CEP57L1: variants seen among roughly 807,000 people sequenced by gnomAD.
CEP57L1 encodes the protein centrosomal protein 57 like 1.
CEP57L1 carries 37 observed loss-of-function variants against 61.0 expected under a neutral mutation model. The ratio of observed to expected loss-of-function variants is 0.61; its 90% confidence interval spans 0.47 to 0.80. The LOEUF (loss-of-function observed/expected upper bound fraction) is 0.80, where lower values mean the gene tolerates loss of function less well. Among genes scored for constraint, CEP57L1 ranks in the 30% least tolerant of loss-of-function variants. CEP57L1 has a pLI of 0.00. For synonymous variants in CEP57L1, 137 were observed against 162.3 expected (o/e 0.84, Z 1.19); for missense variants, 422 against 524.7 (o/e 0.80, Z 1.91).
chr6:109,121,351 A>G (rs1467988959), intron 1 of CEP57L1, among the ~76,000 whole-genome samples: 1 of 152,182 alleles, frequency 6.6e-6, no homozygotes, highest in Non-Finnish European at 1.5e-5. Flanking sequence ...GCAGTGTTGT[A>G]CTACTCTTGG....
At chr6:109,097,972 G>C (rs1562487547) in intron 1 of CEP57L1, among the ~76,000 whole-genome samples, 1 of 152,366 alleles carries the variant, frequency 6.6e-6, no homozygotes, top group East Asian at 1.9e-4. Flanking sequence ...TGAGTACAAA[G>C]AGGAGAATAA....
intron 1 of CEP57L1, among the ~76,000 whole-genome samples, chr6:109,127,537 CT>C (rs1007644336): frequency 3.3e-5 from 5 of 151,578 alleles, no homozygotes; most frequent in Non-Finnish European, 5.9e-5. Context: ...CTTAACATTC[CT>C]TTTTTTTAAT....
chr6:109,105,007 G>T (rs965082710), intron 1 of CEP57L1, among the ~76,000 whole-genome samples: 2 of 152,030 alleles, frequency 1.3e-5, no homozygotes, highest in African/African-American at 4.8e-5. Context: ...AGCTATTCGT[G>T]TTTTCTTGTC....
In CEP57L1 at chr6:109,166,720, T is replaced by G. The variant is rs997393425; in HGVS notation, c.*3750T>G. On this transcript the variant is annotated 3_prime_UTR_variant, in exon 11 of 11. Transcript: ENST00000517392. ...CTTATCCATGATAAGAGATCAAAAATTAAATAAAAATTTTACTTGTAATGT... is the reference window on the plus strand; with the variant it reads ...CTTATCCATGATAAGAGATCAAAAAGTAAATAAAAATTTTACTTGTAATGT... Among the ~76,000 whole-genome samples the G allele has an allele frequency of 6.6e-6, 1 of 152,136 alleles. No individual in the cohort carries two copies. The highest frequency in any genetic ancestry group is 2.4e-5 in the African/African-American group (1 of 41,442).
Position 109,174,099 on chromosome 6 carries a change from C to CAAAAAAAAAAAAAAAAAAAAAA in CEP57L1, c.*11144_*11145insAAAAAAAAAAAAAAAAAAAAAA, listed in dbSNP as rs1298260523. Among the ~76,000 whole-genome samples, 8 of 81,924 alleles carry CAAAAAAAAAAAAAAAAAAAAAA rather than the reference C, an allele frequency of 9.8e-5. No homozygotes were observed. Among genetic ancestry groups the CAAAAAAAAAAAAAAAAAAAAAA allele is most frequent in the African/African-American group, 3.4e-4 (7 of 20,892 alleles). The allele number at this position is 81,924 out of a possible 152,430, so 53.7% of individuals were successfully genotyped here. On this transcript the variant is annotated 3_prime_UTR_variant, in exon 11 of 11. Transcript: ENST00000517392. ...TGAGCCATAGAGTGAGTCTTGGTCT[C>CAAAAAAAAAAAAAAAAAAAAAA]AAAAAAAAAAAAAAACCTTGTGTTG...
intron 1 of CEP57L1, among the ~76,000 whole-genome samples, chr6:109,119,609 G>A (rs1772711493): frequency 6.6e-6 from 1 of 152,210 alleles, no homozygotes; most frequent in African/African-American, 2.4e-5. Flanking sequence ...CTGTTAAAAT[G>A]CAGAGAAATG....
chr6:109,146,938 G>T lies in CEP57L1; in HGVS notation c.340+1G>T, dbSNP rs1306779381. ...CAGGAGCTGATAAAGCAGAAAAAAG[G>T]TAAGAAATGCAGTAGTTCTCAGAAA... is the stretch of plus-strand genomic sequence containing the variant. On this transcript the variant is annotated splice_donor_variant, in intron 3 of 10. Coordinates refer to ENST00000517392, the MANE Select transcript of CEP57L1 (RefSeq NM_001271852.3). LOFTEE classifies it high-confidence loss of function. 1.2e-6 allele frequency: 2 copies of T among 1,603,168 alleles called. No individual in the cohort carries two copies. Among genetic ancestry groups the T allele is most frequent in the Non-Finnish European group, 1.7e-6 (2 of 1,176,322 alleles).
At chr6:109,143,376 C>T (rs1771625387) in intron 1 of CEP57L1, among the ~76,000 whole-genome samples, 1 of 152,100 alleles carries the variant, frequency 6.6e-6, no homozygotes. Flanking sequence ...AAATAAGCTT[C>T]CAGTAGGCTT....
At chr6:109,136,658 G>T (rs1770738632) in intron 1 of CEP57L1, among the ~76,000 whole-genome samples, 1 of 151,284 alleles carries the variant, frequency 6.6e-6, no homozygotes, top group African/African-American at 2.4e-5. Context: ...TCACACAGCG[G>T]TGCTTCAGTT....
chr6:109,141,997 C>G (rs1771435651), intron 1 of CEP57L1, among the ~76,000 whole-genome samples: 1 of 152,158 alleles, frequency 6.6e-6, no homozygotes, highest in Admixed American at 6.5e-5. Flanking sequence ...CCCTAGCAGT[C>G]CTATGGAATA....
At chr6:109,134,748 A>G (rs1423491280) in intron 1 of CEP57L1, among the ~76,000 whole-genome samples, 1 of 152,140 alleles carries the variant, frequency 6.6e-6, no homozygotes, top group Non-Finnish European at 1.5e-5. Flanking sequence ...CAAAAATCAC[A>G]AGCATTCTTA....
At chr6:109,154,608 C>T (rs918796416) in intron 5 of CEP57L1, among the ~76,000 whole-genome samples, 26 of 151,948 alleles carry the variant, frequency 1.7e-4, no homozygotes, top group Non-Finnish European at 7.4e-5. Flanking sequence ...ACTTTTTGAA[C>T]ACTAATAATA....
Position 109,124,198 on chromosome 6 carries a change from T to C in CEP57L1, c.-3-21021T>C, listed in dbSNP as rs568981195. Among the ~76,000 whole-genome samples the C allele has an allele frequency of 7.9e-5, 12 of 152,314 alleles. No homozygotes were observed. In the South Asian group the frequency reaches 2.5e-3, roughly 32 times the overall value. Reference sequence around the variant, plus strand: ...CGTTCTTACTTCATAAAAGTCTTTATTAAAGGCAATGTGATCTTGCTACTC... The same window carrying C: ...CGTTCTTACTTCATAAAAGTCTTTACTAAAGGCAATGTGATCTTGCTACTC... On this transcript the variant is annotated intron_variant, in intron 1 of 10. Coordinates refer to ENST00000517392, the MANE Select transcript of CEP57L1 (RefSeq NM_001271852.3).
chr6:109,115,331 C>T (rs776796141), intron 1 of CEP57L1, among the ~76,000 whole-genome samples: 2 of 151,836 alleles, frequency 1.3e-5, no homozygotes, highest in Non-Finnish European at 2.9e-5. Context: ...CAGTTGTAGT[C>T]TCCACACTAC....
intron 1 of CEP57L1, among the ~76,000 whole-genome samples, chr6:109,118,641 T>C (rs1366621617): frequency 6.6e-6 from 1 of 152,236 alleles, no homozygotes; most frequent in Admixed American, 6.5e-5. Flanking sequence ...ATTGGAATTA[T>C]GACTTCTGAG....
At position 109,155,711 on chromosome 6, in the gene CEP57L1, T is replaced by C. The variant is rs542443390; in HGVS notation, c.658-80T>C. ...TCTCCAAAAAGCATTTTTATATTTA[T>C]AAACTTAGACCTGATATCTCATTAC... On this transcript the variant is annotated intron_variant, in intron 6 of 10. Coordinates refer to ENST00000517392, the MANE Select transcript of CEP57L1 (RefSeq NM_001271852.3). 26 of 721,258 alleles carry C rather than the reference T, an allele frequency of 3.6e-5. No homozygotes were observed. The African/African-American group carries it at 4.5e-4, about 13-fold the overall frequency. The allele number at this position is 721,258 out of a possible 1,614,324, so 44.7% of individuals were successfully genotyped here.
intron 1 of CEP57L1, among the ~76,000 whole-genome samples, chr6:109,121,377 T>C (rs1772954658): frequency 6.6e-6 from 1 of 152,222 alleles, no homozygotes; most frequent in Non-Finnish European, 1.5e-5. Flanking sequence ...ATAGGAAATG[T>C]ATGTTTGAAT....
In CEP57L1 at chr6:109,172,302, G is replaced by A. The variant is rs879587962; in HGVS notation, c.*9332G>A. ...AGATTTTTTCTTGAGGGTTGGTCAC[G>A]TAGGCATAGCATGACTGATAGCCCA... is the stretch of plus-strand genomic sequence containing the variant. On this transcript the variant is annotated 3_prime_UTR_variant, in exon 11 of 11. Coordinates refer to ENST00000517392, the MANE Select transcript of CEP57L1 (RefSeq NM_001271852.3). Among the ~76,000 whole-genome samples, 1 of 152,148 alleles carries A rather than the reference G, an allele frequency of 6.6e-6. No homozygotes were observed. The highest frequency in any genetic ancestry group is 1.5e-5 in the Non-Finnish European group (1 of 68,022).
At position 109,135,782 on chromosome 6, in the gene CEP57L1, G is replaced by A. The variant is rs551679308; in HGVS notation, c.-3-9437G>A. On this transcript the variant is annotated intron_variant, in intron 1 of 10. Transcript: ENST00000517392. ...TATGAACAGACAGTTCTCAAAAGGAGACATGTATGCAGCCAACAGACACAT... is the reference window on the plus strand; with the variant it reads ...TATGAACAGACAGTTCTCAAAAGGAAACATGTATGCAGCCAACAGACACAT... Among the ~76,000 whole-genome samples the A allele has an allele frequency of 4.0e-3, 600 of 149,806 alleles. 4 individuals carry two copies. The highest frequency in any genetic ancestry group is 6.8e-3 in the Non-Finnish European group (455 of 67,114).
Sources: gnomAD v4.1 joint callset for allele counts (sites outside exome capture counted in the v4.1 genomes callset) on GRCh38, gnomAD v4.1.1 for gene constraint, MANE v1.5 for transcripts, NCBI Gene and HGNC (gene_info 2026-07-23, HGNC 2026-07-21) for gene names.